Variants in SH3BP5 observed in about 807,000 individuals in gnomAD.
The protein encoded by SH3BP5 is SH3 domain binding protein 5, also known as SH3 domain-binding protein 5.
Under a neutral mutation model 43.3 loss-of-function variants are expected in SH3BP5, and 22 were observed. That is an observed-to-expected ratio of 0.51 (90% CI 0.36 to 0.73). SH3BP5 has a LOEUF of 0.73. SH3BP5 is among the 30% of genes least tolerant of loss of function. The pLI, the probability that SH3BP5 is intolerant of heterozygous loss-of-function variation, is 0.00. For synonymous variants in SH3BP5, 255 were observed against 225.8 expected (o/e 1.13, Z -1.16); for missense variants, 529 against 586.9 (o/e 0.90, Z 1.02).
chr3:15,262,403 T>G, intron 4 of SH3BP5, 114 bp from the exon 5 acceptor site: 10 of 1,305,478 alleles, frequency 7.7e-6, no homozygotes, highest in East Asian at 2.6e-5. Flanking sequence ...GACACATGTG[T>G]AATCCCAGCA....
chr3:15,326,546 T>C (rs1228579308), intron 2 of SH3BP5, among the ~76,000 whole-genome samples: 6 of 152,356 alleles, frequency 3.9e-5, no homozygotes, highest in Admixed American at 2.6e-4. Context: ...GAAAGTAGAC[T>C]ATCTCATTAT....
At chr3:15,331,630 T>C in intron 1 of SH3BP5, among the ~76,000 whole-genome samples, 1 of 152,220 alleles carries the variant, frequency 6.6e-6, no homozygotes, top group East Asian at 1.9e-4. Flanking sequence ...GCGCATCAGT[T>C]GTCCCCGATT....
intron 4 of SH3BP5, among the ~76,000 whole-genome samples, chr3:15,265,561 A>AC (rs1696615964): frequency 1.3e-4 from 6 of 44,486 alleles, no homozygotes; most frequent in Non-Finnish European, 2.3e-4. Context: ...CACACACACA[A>AC]CCCTCCAGCT....
chr3:15,295,745 G>A (rs559932537), intron 3 of SH3BP5, among the ~76,000 whole-genome samples: 2 of 152,286 alleles, frequency 1.3e-5, no homozygotes, highest in Non-Finnish European at 2.9e-5. Context: ...TGTGCATGAC[G>A]AAGCTATGGA....
intron 3 of SH3BP5, among the ~76,000 whole-genome samples, chr3:15,279,590 T>C (rs1332466632): frequency 1.3e-5 from 2 of 151,698 alleles, no homozygotes; most frequent in East Asian, 3.9e-4. Flanking sequence ...GAGCTGGGGG[T>C]GGGGGTAAAG....
At position 15,303,704 on chromosome 3, in the gene SH3BP5, A is replaced by G. The variant is rs895236781; in HGVS notation, c.330+399T>C. ...AAATCTTAAAAAGGAAAAAAAAAAAAAGAAAAAGAAGAAGAACCGATGTTT... is the reference window on the plus strand; with the variant it reads ...AAATCTTAAAAAGGAAAAAAAAAAAGAGAAAAAGAAGAAGAACCGATGTTT... On this transcript the variant is annotated intron_variant, in intron 3 of 8. Transcript: ENST00000383791. Among the ~76,000 whole-genome samples, 193 of 152,228 alleles carry G rather than the reference A, an allele frequency of 1.3e-3. 1 individual carries two copies. The highest frequency in any genetic ancestry group is 4.4e-3 in the African/African-American group (184 of 41,548).
intron 3 of SH3BP5, among the ~76,000 whole-genome samples, chr3:15,270,163 G>A (rs1177103715): frequency 3.9e-5 from 6 of 152,172 alleles, no homozygotes; most frequent in African/African-American, 7.2e-5. Flanking sequence ...CCAGCCCATC[G>A]TGGGACAGGT....
intron 1 of SH3BP5, among the ~76,000 whole-genome samples, chr3:15,337,676 G>A (rs145556993): frequency 1.6e-3 from 242 of 151,782 alleles, no homozygotes; most frequent in Non-Finnish European, 2.9e-3. Context: ...GAGGCCAAGG[G>A]AGGAGGATCG....
intron 3 of SH3BP5, among the ~76,000 whole-genome samples, chr3:15,277,202 C>G (rs1696996892): frequency 6.6e-6 from 1 of 152,026 alleles, no homozygotes; most frequent in Non-Finnish European, 1.5e-5. Context: ...GAACTCCTGA[C>G]CTTAGGTGAT....
intron 3 of SH3BP5, among the ~76,000 whole-genome samples, chr3:15,296,998 T>C (rs2633977): frequency 0.76 from 115,998 of 152,014 alleles, 44,953 homozygotes; most frequent in African/African-American, 0.85. Context: ...CTCCTGGCCA[T>C]GGCAGGCTTT....
rs1428757566 is a variant in SH3BP5, at chr3:15,255,757, C to G, written c.*329G>C. ...AGAAAGAGAAGCAAGCTGTTGCCCCCACTTTGGCCTGGCTTCCCAGCCATC... is the reference window on the plus strand; with the variant it reads ...AGAAAGAGAAGCAAGCTGTTGCCCCGACTTTGGCCTGGCTTCCCAGCCATC... On this transcript the variant is annotated 3_prime_UTR_variant, in exon 9 of 9. Transcript: ENST00000383791. The G allele has an allele frequency of 1.4e-5, 3 of 217,714 alleles. No individual in the cohort carries two copies. Among genetic ancestry groups the G allele is most frequent in the Non-Finnish European group, 1.8e-5 (2 of 109,302 alleles). 13.5% of individuals were successfully genotyped at this position (217,714 alleles called of 1,614,324 possible). A position where few individuals can be genotyped will look rare whatever the true frequency, so the allele number is the denominator to read the frequency against.
At chr3:15,300,370 G>A (rs992056964) in intron 3 of SH3BP5, among the ~76,000 whole-genome samples, 1 of 152,192 alleles carries the variant, frequency 6.6e-6, no homozygotes. Context: ...TTTCATGAAT[G>A]AGGATGCAGG....
chr3:15,260,325 C>T (rs1696388551), intron 5 of SH3BP5: 1 of 160,472 alleles, frequency 6.2e-6, no homozygotes, highest in Non-Finnish European at 1.4e-5. Context: ...TCAGGTTGGT[C>T]CTCCCAAACC....
At chr3:15,297,879 AC>A (rs1697620258) in intron 3 of SH3BP5, among the ~76,000 whole-genome samples, 1 of 152,172 alleles carries the variant, frequency 6.6e-6, no homozygotes, top group African/African-American at 2.4e-5. Context: ...AAACTGGCCA[AC>A]AAAACCATGA....
At chr3:15,265,560 A>ACACACC (rs71045145) in intron 4 of SH3BP5, among the ~76,000 whole-genome samples, 2 of 131,698 alleles carry the variant, frequency 1.5e-5, no homozygotes, top group African/African-American at 2.8e-5. Context: ...ACACACACAC[A>ACACACC]ACCCTCCAGC....
At position 15,256,212 on chromosome 3, in the gene SH3BP5, A is replaced by C. The variant is rs142117555; in HGVS notation, c.1242T>G (p.Ser414Arg). 1.1e-3 allele frequency: 1,696 copies of C among 1,614,002 alleles called. 23 individuals are homozygous for C. In the African/African-American group the frequency reaches 0.02, roughly 19 times the overall value. The change falls in exon 9 of 9, where the codon AGT becomes AGG. Residue 414 changes from serine to arginine, a missense_variant. By Grantham distance (110) the Ser-to-Arg change is moderately radical. Transcript: ENST00000383791. Reference protein sequence around the residue: ...LSSSSGSGGSSKSQSSTSPEG... With the variant: ...LSSSSGSGGSRKSQSSTSPEG... ...CAGGGGAGGTGCTGCTTTGGCTCTT[A>C]CTGCTGCCACCACTGCCACTGCTAC... is the stretch of plus-strand genomic sequence containing the variant.
At chr3:15,327,403 A>G (rs1463264721) in intron 2 of SH3BP5, among the ~76,000 whole-genome samples, 4 of 146,476 alleles carry the variant, frequency 2.7e-5, no homozygotes, top group African/African-American at 4.9e-5. Context: ...CCGTCTCAGG[A>G]AAAAAAAAAC....
At chr3:15,259,698 A>G in intron 6 of SH3BP5, 63 bp downstream of exon 6, 4 of 1,485,410 alleles carry the variant, frequency 2.7e-6, no homozygotes, top group Admixed American at 1.7e-5. Context: ...CTGCTACCCC[A>G]GAAAAGTGAA....
chr3:15,290,802 CCA>C (rs1193011411), intron 3 of SH3BP5, among the ~76,000 whole-genome samples: 4 of 152,142 alleles, frequency 2.6e-5, no homozygotes, highest in African/African-American at 9.7e-5. Context: ...GCTCCATCCT[CCA>C]TGAGAAGGTA....
Sources: allele counts gnomAD v4.1 joint callset (sites outside exome capture counted in the v4.1 genomes callset), GRCh38; gene constraint gnomAD v4.1.1; transcripts MANE v1.5; gene names NCBI Gene and HGNC (gene_info 2026-07-23, HGNC 2026-07-21).